The following EIF4G3 variants were observed in gnomAD, a reference collection of about 807,000 sequenced individuals.
EIF4G3 encodes eukaryotic translation initiation factor 4 gamma 3, also known as eIF-4-gamma 3.
EIF4G3 carries 34 observed loss-of-function variants against 186.4 expected under a neutral mutation model. That is an observed-to-expected ratio of 0.18 (90% CI 0.14 to 0.24). The LOEUF (loss-of-function observed/expected upper bound fraction) is 0.24. Ranked by LOEUF, EIF4G3 falls within the 10% of genes least tolerant of loss-of-function variation. The pLI is 1.00. For missense variants in EIF4G3, 1,536 were observed against 1,948.5 expected, an observed-to-expected ratio of 0.79 and a Z score of 3.99; for synonymous variants, 673 against 679.5, an observed-to-expected ratio of 0.99 and a Z score of 0.15.
intron 16 of EIF4G3, among the ~76,000 whole-genome samples, chr1:20,898,480 A>AG (rs1242178425): frequency 6.6e-6 from 1 of 152,200 alleles, no homozygotes; most frequent in Non-Finnish European, 1.5e-5. Context: ...ATAACTACAA[A>AG]GTTTCTAAAA....
At chr1:21,116,605 A>AG (rs1304077931) in intron 2 of EIF4G3, among the ~76,000 whole-genome samples, 5 of 152,166 alleles carry the variant, frequency 3.3e-5, no homozygotes, top group African/African-American at 7.2e-5. Flanking sequence ...TGGGAGGCTG[A>AG]GGGGGGTGCG....
chr1:20,837,954 G>A (rs2067249289), intron 30 of EIF4G3, among the ~76,000 whole-genome samples: 1 of 152,168 alleles, frequency 6.6e-6, no homozygotes. Context: ...AAGCATCGAA[G>A]GTTAGGCCTG....
At chr1:21,115,193 C>A (rs2096795338) in intron 2 of EIF4G3, among the ~76,000 whole-genome samples, 1 of 152,158 alleles carries the variant, frequency 6.6e-6, no homozygotes, top group African/African-American at 2.4e-5. Flanking sequence ...AAAGCTTAAT[C>A]ATTTCTAGCT....
chr1:21,054,560 T>C (rs2094476636), intron 3 of EIF4G3, among the ~76,000 whole-genome samples: 1 of 152,150 alleles, frequency 6.6e-6, no homozygotes, highest in African/African-American at 2.4e-5. Context: ...TAATAACTAA[T>C]GGCAATTGTT....
chr1:21,176,231 T>C lies in EIF4G3; in HGVS notation c.-328A>G, dbSNP rs933381648. ...TGTTCGGGTGAGGAGGGGGGACCGCTGCCGCCGCCGCCGCCGCCGCCGCCG... is the reference window on the plus strand; with the variant it reads ...TGTTCGGGTGAGGAGGGGGGACCGCCGCCGCCGCCGCCGCCGCCGCCGCCG... On this transcript the variant is annotated 5_prime_UTR_variant, in exon 2 of 37. Transcript: ENST00000602326. The C allele has an allele frequency of 2.0e-4, 68 of 346,394 alleles. 1 individual carries two copies. The highest frequency in any genetic ancestry group is 2.5e-4 in the Non-Finnish European group (50 of 198,592). The allele number at this position is 346,394 out of a possible 1,614,324, so 21.5% of individuals were successfully genotyped here. A position where few individuals can be genotyped will look rare whatever the true frequency, so the allele number is the denominator to read the frequency against.
intron 14 of EIF4G3, among the ~76,000 whole-genome samples, chr1:20,939,847 G>GTTTTTT (rs538504683): frequency 1.8e-3 from 166 of 89,934 alleles, no homozygotes; most frequent in South Asian, 4.0e-3. Context: ...AAGTTGTTTA[G>GTTTTTT]TTTTTTTTTT....
chr1:21,112,523 G>GA (rs1023794149), intron 2 of EIF4G3, among the ~76,000 whole-genome samples: 11 of 150,700 alleles, frequency 7.3e-5, no homozygotes, highest in Middle Eastern at 3.4e-3. Flanking sequence ...CCCTTACTGA[G>GA]AAAAAAAAAT....
At chr1:20,835,440 G>A (rs191882958) in intron 30 of EIF4G3, among the ~76,000 whole-genome samples, 26 of 152,098 alleles carry the variant, frequency 1.7e-4, no homozygotes, top group South Asian at 1.2e-3. Context: ...AATGATACTC[G>A]GAGTTGTATT....
intron 7 of EIF4G3, among the ~76,000 whole-genome samples, chr1:20,992,866 CAAAAT>C (rs1025107859): frequency 6.6e-6 from 1 of 152,080 alleles, no homozygotes; most frequent in African/African-American, 2.4e-5. Flanking sequence ...ACCAAATACA[CAAAAT>C]AAACAACACA....
At chr1:20,915,034 G>T (rs902028039) in intron 14 of EIF4G3, among the ~76,000 whole-genome samples, 2 of 152,052 alleles carry the variant, frequency 1.3e-5, no homozygotes, top group African/African-American at 4.8e-5. Flanking sequence ...TCTACTTTTT[G>T]AATATGTGAA....
At chr1:21,097,028 A>G (rs1185904629) in intron 2 of EIF4G3, among the ~76,000 whole-genome samples, 1 of 152,240 alleles carries the variant, frequency 6.6e-6, no homozygotes, top group Non-Finnish European at 1.5e-5. Flanking sequence ...CCGAAAAATG[A>G]TTAAAATGGT....
intron 17 of EIF4G3, among the ~76,000 whole-genome samples, chr1:20,894,662 A>G (rs953000973): frequency 1.3e-5 from 2 of 152,216 alleles, no homozygotes; most frequent in African/African-American, 4.8e-5. Context: ...TAAGAGGTAG[A>G]TATGATTCCA....
intron 27 of EIF4G3, among the ~76,000 whole-genome samples, chr1:20,852,699 C>T (rs1371552018): frequency 6.6e-6 from 1 of 152,162 alleles, no homozygotes; most frequent in African/African-American, 2.4e-5. Context: ...AAAGAACATA[C>T]ACAAGTGCTT....
intron 14 of EIF4G3, chr1:20,929,531 G>GCCCT (rs1462467830): frequency 1.2e-4 from 18 of 152,256 alleles, no homozygotes; most frequent in African/African-American, 3.9e-4. Context: ...CAAAGATCAT[G>GCCCT]ATATCCAACT....
intron 2 of EIF4G3, among the ~76,000 whole-genome samples, chr1:21,164,815 G>A (rs894838061): frequency 2.0e-5 from 3 of 152,130 alleles, no homozygotes; most frequent in African/African-American, 7.2e-5. Context: ...AGTGAGATCT[G>A]ATTATGCCAT....
chr1:20,820,654 T>C (rs183021210), intron 33 of EIF4G3, among the ~76,000 whole-genome samples: 15 of 152,138 alleles, frequency 9.9e-5, no homozygotes, highest in Admixed American at 2.0e-4. Context: ...TATGGACCAA[T>C]TGGCATGCAT....
At chr1:20,985,922 C>T (rs944404655) in intron 7 of EIF4G3, among the ~76,000 whole-genome samples, 1 of 152,152 alleles carries the variant, frequency 6.6e-6, no homozygotes, top group Non-Finnish European at 1.5e-5. Context: ...CAATTTTTCT[C>T]CCTATATCAC....
At chr1:21,113,568 G>A (rs1051929350) in intron 2 of EIF4G3, among the ~76,000 whole-genome samples, 1 of 152,024 alleles carries the variant, frequency 6.6e-6, no homozygotes, top group Non-Finnish European at 1.5e-5. Context: ...AACTTTCCAT[G>A]TGCTGTTACA....
At chr1:20,874,284 G>A (rs982119453) in intron 20 of EIF4G3, among the ~76,000 whole-genome samples, 1 of 152,070 alleles carries the variant, frequency 6.6e-6, no homozygotes, top group Non-Finnish European at 1.5e-5. Context: ...ACCAACTTAC[G>A]TTCCCACCAA....
Sources: allele counts gnomAD v4.1 joint callset (sites outside exome capture counted in the v4.1 genomes callset), GRCh38; gene constraint gnomAD v4.1.1; transcripts MANE v1.5; gene names NCBI Gene and HGNC (gene_info 2026-07-23, HGNC 2026-07-21).